Variants in SYNE3 observed in about 807,000 individuals in gnomAD.
SYNE3 encodes nesprin-3.
A neutral mutation model predicts 111.2 loss-of-function variants in SYNE3; 100 were observed. The observed-to-expected ratio is 0.90, with a 90% confidence interval of 0.77 to 1.06. SYNE3 has a LOEUF of 1.06. Ranked by LOEUF, SYNE3 falls within the 50% of genes least tolerant of loss-of-function variation. The pLI is 0.00. For missense variants in SYNE3, 1,160 were observed against 1,240.3 expected, an observed-to-expected ratio of 0.94 and a Z score of 0.97; for synonymous variants, 547 against 533.9, an observed-to-expected ratio of 1.02 and a Z score of -0.34.
At chr14:95,460,861 G>A (rs891140959) in intron 4 of SYNE3, among the ~76,000 whole-genome samples, 2 of 152,236 alleles carry the variant, frequency 1.3e-5, no homozygotes, top group African/African-American at 4.8e-5. Context: ...GATAGATGCA[G>A]CCGGGAGTGA....
At chr14:95,451,293 C>A (rs1289323350) in intron 7 of SYNE3, 1 of 152,240 alleles carries the variant, frequency 6.6e-6, no homozygotes, top group Non-Finnish European at 1.5e-5. Context: ...TGCCCCCAGG[C>A]ACCTGGAAGA....
In SYNE3 at chr14:95,416,973, C is replaced by T. The variant is rs1903600931; in HGVS notation, c.*853G>A. On this transcript the variant is annotated 3_prime_UTR_variant, in exon 18 of 18. Transcript: ENST00000682763. ...AAATCTTAAAAATCAAGCTTGTCTT[C>T]TTCCCTTTCTCCCTGAATGAAACAC... The T allele has an allele frequency of 1.3e-5, 2 of 152,290 alleles. No individual in the cohort carries two copies. The highest frequency in any genetic ancestry group is 1.3e-4 in the Admixed American group (2 of 15,292). 9.4% of individuals were successfully genotyped at this position (152,290 alleles called of 1,614,324 possible).
chr14:95,417,834 G>A lies in SYNE3; in HGVS notation c.2920C>T (p.Pro974Ser), dbSNP rs770618182. ...TLMLRYNGPP[P>S]T is the part of the protein sequence containing the mutation. ...CTGTGTGCCCCAGTGGGTTAGGTGGGTGGTGGGCCATTGTAGCGCAGCATG... is the reference window on the plus strand; with the variant it reads ...CTGTGTGCCCCAGTGGGTTAGGTGGATGGTGGGCCATTGTAGCGCAGCATG... Residue 974 changes from proline to serine, a missense_variant, in exon 18 of 18, where the codon CCC becomes TCC. By Grantham distance (74) the Pro-to-Ser change is moderately conservative. Transcript: ENST00000682763. 2 of 1,614,258 alleles carry A rather than the reference G, an allele frequency of 1.2e-6. No individual in the cohort carries two copies. The highest frequency in any genetic ancestry group is 1.7e-5 in the Admixed American group (1 of 60,034).
intron 1 of SYNE3, among the ~76,000 whole-genome samples, chr14:95,505,869 T>C (rs182297431): frequency 5.3e-4 from 81 of 152,218 alleles, no homozygotes; most frequent in African/African-American, 1.9e-3. Flanking sequence ...AAAAACAGAT[T>C]AGCATGTCAC....
At chr14:95,495,638 TG>T (rs1890059517) in intron 1 of SYNE3, among the ~76,000 whole-genome samples, 1 of 152,078 alleles carries the variant, frequency 6.6e-6, no homozygotes, top group Non-Finnish European at 1.5e-5. Context: ...CGTCAGACAG[TG>T]ACTGAGGCAC....
chr14:95,454,019 A>C (rs1887255456), intron 6 of SYNE3, among the ~76,000 whole-genome samples: 1 of 152,240 alleles, frequency 6.6e-6, no homozygotes, highest in Non-Finnish European at 1.5e-5. Context: ...AGGTAGTTGC[A>C]TTTCCTGACC....
intron 6 of SYNE3, among the ~76,000 whole-genome samples, chr14:95,455,066 A>G (rs920120298): frequency 9.2e-5 from 14 of 152,166 alleles, no homozygotes; most frequent in African/African-American, 3.4e-4. Flanking sequence ...TGGGCAGGAG[A>G]GTAGCTTTGA....
At chr14:95,442,298 G>A (rs1318696600) in intron 11 of SYNE3, among the ~76,000 whole-genome samples, 2 of 152,216 alleles carry the variant, frequency 1.3e-5, no homozygotes, top group Admixed American at 6.5e-5. Flanking sequence ...CCATCTGGGA[G>A]TACTTACATA....
At position 95,418,013 on chromosome 14, in the gene SYNE3, C is replaced by T. The variant is rs369096132; in HGVS notation, c.2741G>A (p.Arg914Gln). The T allele has an allele frequency of 2.7e-5, 43 of 1,609,904 alleles. No individual in the cohort carries two copies. Among genetic ancestry groups the T allele is most frequent in the Middle Eastern group, 4.3e-4 (2 of 4,674 alleles). Residue 914 changes from arginine (R) to glutamine (Q), a missense_variant, in exon 18 of 18, where the codon CGA becomes CAA. Transcript: ENST00000682763. ...CCTCCGGAAGAGGGAGCCCAGTCCT[C>T]GCCACCGCCGAGTCTGCGGAACCAA... ...PTGFQKTRRW[R>Q]GLGSLFRRAC...
intron 17 of SYNE3, among the ~76,000 whole-genome samples, chr14:95,419,091 T>G (rs1342082210): frequency 6.6e-6 from 1 of 152,232 alleles, no homozygotes; most frequent in Non-Finnish European, 1.5e-5. Context: ...AAACATTTCC[T>G]AAGTTCTGGA....
chr14:95,439,592 A>G lies in SYNE3; in HGVS notation c.2246+20T>C. On this transcript the variant is annotated intron_variant, in intron 13 of 17. Coordinates refer to ENST00000682763, the MANE Select transcript of SYNE3 (RefSeq NM_152592.6). ...GGGCAGTGTCCCAGACAACGCTCAG[A>G]GCCTAGGAGGCACTCTCACCTCAGC... 1.9e-6 allele frequency: 3 copies of G among 1,604,194 alleles called. No homozygotes were observed. Among genetic ancestry groups the G allele is most frequent in the Non-Finnish European group, 2.5e-6 (3 of 1,179,830 alleles).
intron 4 of SYNE3, among the ~76,000 whole-genome samples, chr14:95,465,511 G>T (rs1888107162): frequency 6.6e-6 from 1 of 152,110 alleles, no homozygotes; most frequent in Admixed American, 6.6e-5. Flanking sequence ...AGAGGTGGCT[G>T]GGTTGATGGG....
intron 4 of SYNE3, among the ~76,000 whole-genome samples, chr14:95,460,059 T>G (rs1445390026): frequency 6.6e-6 from 1 of 151,952 alleles, no homozygotes. Context: ...ACTGCACCAC[T>G]GCACTCCAGC....
chr14:95,442,931 G>C (rs563546280), intron 11 of SYNE3, among the ~76,000 whole-genome samples: 1 of 152,330 alleles, frequency 6.6e-6, no homozygotes, highest in South Asian at 2.1e-4. Flanking sequence ...GGGCTGTCAT[G>C]CTCTGCTACC....
chr14:95,434,475 C>T (rs976088006), intron 15 of SYNE3, among the ~76,000 whole-genome samples: 3 of 152,158 alleles, frequency 2.0e-5, no homozygotes, highest in African/African-American at 7.2e-5. Flanking sequence ...AGCCTTCACC[C>T]TATTAAAAAT....
intron 1 of SYNE3, among the ~76,000 whole-genome samples, chr14:95,481,410 G>T (rs4905331): frequency 6.6e-6 from 1 of 152,146 alleles, no homozygotes; most frequent in Non-Finnish European, 1.5e-5. Context: ...CTGAGAAGCT[G>T]CGAGGAGACA....
At chr14:95,423,024 C>G (rs764499266) in intron 17 of SYNE3, among the ~76,000 whole-genome samples, 3 of 152,236 alleles carry the variant, frequency 2.0e-5, no homozygotes, top group Non-Finnish European at 4.4e-5. Context: ...TGCGTTCGCT[C>G]CCCGTAAGAA....
At chr14:95,431,965 G>T in intron 17 of SYNE3, 114 bp downstream of exon 17, 2 of 1,209,950 alleles carry the variant, frequency 1.7e-6, no homozygotes, top group Non-Finnish European at 2.3e-6. Flanking sequence ...AATGTTCTTT[G>T]GTCTTCCTGG....
At chr14:95,515,358 C>T (rs890773588) in intron 1 of SYNE3, among the ~76,000 whole-genome samples, 1 of 152,206 alleles carries the variant, frequency 6.6e-6, no homozygotes, top group Non-Finnish European at 1.5e-5. Context: ...AGCTCGTTGG[C>T]ACTGATATGC....
Sources: allele counts gnomAD v4.1 joint callset (sites outside exome capture counted in the v4.1 genomes callset), GRCh38; gene constraint gnomAD v4.1.1; transcripts MANE v1.5; gene names NCBI Gene and HGNC (gene_info 2026-07-23, HGNC 2026-07-21).